Variants in RNF150 observed in about 807,000 individuals in gnomAD.
RNF150 encodes the protein ring finger protein 150.
RNF150 carries 24 observed loss-of-function variants against 39.3 expected under a neutral mutation model. The observed-to-expected ratio is 0.61, with a 90% CI of 0.44 to 0.86. RNF150 has a LOEUF of 0.86. RNF150 is among the 40% of genes least tolerant of loss of function. The pLI, the probability that RNF150 is intolerant of heterozygous loss-of-function variation, is 0.00. For synonymous variants in RNF150, 255 were observed against 227.3 expected (o/e 1.12, Z -1.10); for missense variants, 502 against 587.8 (o/e 0.85, Z 1.51).
intron 1 of RNF150, among the ~76,000 whole-genome samples, chr4:141,096,532 C>A (rs1738791805): frequency 6.6e-6 from 1 of 151,968 alleles, no homozygotes; most frequent in South Asian, 2.1e-4. Context: ...TTAATTATAC[C>A]CATTTTAGGA....
At chr4:141,071,325 A>G (rs572062997) in intron 1 of RNF150, among the ~76,000 whole-genome samples, 5 of 151,852 alleles carry the variant, frequency 3.3e-5, no homozygotes, top group Admixed American at 2.6e-4. Context: ...TGGCACATGT[A>G]TACATATGTA....
chr4:140,930,625 C>T (rs17423804), intron 4 of RNF150, among the ~76,000 whole-genome samples: 11,898 of 152,230 alleles, frequency 0.078, 532 homozygotes, highest in Middle Eastern at 0.11. Context: ...CTGTCACATT[C>T]GGGACTTTTC....
At position 140,861,666 on chromosome 4, in the gene RNF150, T is replaced by A. The variant is rs1260581801; in HGVS notation, c.*6595A>T. The stretch of plus-strand genomic sequence containing the variant: ...TCTTCAACTGCTCTACTATACCCAT[T>A]AGTACAGGCAACAGTTTTGTATCTT... On this transcript the variant is annotated 3_prime_UTR_variant, in exon 7 of 7. Coordinates refer to ENST00000515673, the MANE Select transcript of RNF150 (RefSeq NM_020724.2). 1 of 152,220 alleles carries A rather than the reference T, an allele frequency of 6.6e-6. No homozygotes were observed. The highest frequency in any genetic ancestry group is 2.4e-5 in the African/African-American group (1 of 41,448). The allele number at this position is 152,220 out of a possible 1,614,324, so 9.4% of individuals were successfully genotyped here.
At chr4:141,187,169 G>A (rs1426878693) in intron 1 of RNF150, among the ~76,000 whole-genome samples, 2 of 152,224 alleles carry the variant, frequency 1.3e-5, no homozygotes, top group South Asian at 2.1e-4. Context: ...GTGGTTTTGA[G>A]TGAGTGTCTT....
At chr4:141,190,971 T>C (rs1309404495) in intron 1 of RNF150, among the ~76,000 whole-genome samples, 1 of 152,228 alleles carries the variant, frequency 6.6e-6, no homozygotes, top group African/African-American at 2.4e-5. Context: ...TTCAGCCAAT[T>C]TGAAGTCCAG....
At chr4:141,038,508 T>C (rs992512479) in intron 1 of RNF150, among the ~76,000 whole-genome samples, 9 of 151,936 alleles carry the variant, frequency 5.9e-5, no homozygotes, top group African/African-American at 1.2e-4. Flanking sequence ...TGGGGCAACA[T>C]AGTGAGACTC....
intron 6 of RNF150, among the ~76,000 whole-genome samples, chr4:140,907,101 G>C (rs1163520908): frequency 6.6e-6 from 1 of 151,900 alleles, no homozygotes; most frequent in Admixed American, 6.6e-5. Flanking sequence ...GTTTTCCTTT[G>C]GTTCTAAGGA....
intron 6 of RNF150, among the ~76,000 whole-genome samples, chr4:140,883,652 A>G (rs1352293614): frequency 1.3e-5 from 2 of 152,142 alleles, no homozygotes; most frequent in Admixed American, 6.5e-5. Flanking sequence ...GCTGATAATC[A>G]TATGTAAGCT....
intron 1 of RNF150, among the ~76,000 whole-genome samples, chr4:140,977,886 A>T (rs1733721318): frequency 6.6e-6 from 1 of 152,102 alleles, no homozygotes; most frequent in Non-Finnish European, 1.5e-5. Context: ...TATGGCTCCA[A>T]AGTGTGTTCT....
At chr4:141,121,252 G>C (rs1319487613) in intron 1 of RNF150, among the ~76,000 whole-genome samples, 1 of 152,186 alleles carries the variant, frequency 6.6e-6, no homozygotes, top group Non-Finnish European at 1.5e-5. Context: ...TCCTAGAACA[G>C]TGGAAGCTCA....
Position 141,132,812 on chromosome 4 carries a change from T to C in RNF150, c.-4A>G, listed in dbSNP as rs759114762. 1.2e-6 allele frequency: 2 copies of C among 1,603,658 alleles called. No homozygotes were observed. The highest frequency in any genetic ancestry group is 1.1e-5 in the South Asian group (1 of 90,790). ...CTTGGATGAGAGACATTGCCATCTT[T>C]ATCCGCCGGGGCCCCCTCCCCGCCC... On this transcript the variant is annotated 5_prime_UTR_variant, in exon 1 of 7. In the 5' UTR this introduces an upstream ATG that the reference lacks. Transcript: ENST00000515673. The surrounding 1 kb of genome is among the most constrained non-coding windows in gnomAD (Gnocchi z 4.9).
chr4:140,872,999 G>A (rs1025730297), intron 6 of RNF150, among the ~76,000 whole-genome samples: 2 of 152,192 alleles, frequency 1.3e-5, no homozygotes, highest in Admixed American at 6.5e-5. Context: ...ATTGTAGCAT[G>A]AGAAGATAAG....
At chr4:140,868,447 C>T in intron 6 of RNF150, 68 bp from the exon 7 acceptor site, 1 of 862,638 alleles carries the variant, frequency 1.2e-6, no homozygotes, top group Admixed American at 1.9e-5. Flanking sequence ...TATTTCAGTA[C>T]AATTGCTTGT....
chr4:141,133,496 A>G (rs1041390034), upstream of RNF150: 5 of 149,978 alleles, frequency 3.3e-5, no homozygotes, highest in East Asian at 4.3e-4. Context: ...GTGTGTGTGT[A>G]TAATGTGTGC....
chr4:140,895,644 C>T (rs1729915341), intron 6 of RNF150, among the ~76,000 whole-genome samples: 1 of 152,186 alleles, frequency 6.6e-6, no homozygotes, highest in South Asian at 2.1e-4. Flanking sequence ...ACTCTTAGTT[C>T]TGTGTTGCAG....
chr4:141,097,744 T>C (rs559238464), intron 1 of RNF150, among the ~76,000 whole-genome samples: 34 of 152,338 alleles, frequency 2.2e-4, no homozygotes, highest in Admixed American at 2.0e-3. Flanking sequence ...TTTTGTAAAC[T>C]GCTTGTTTTT....
intron 1 of RNF150, among the ~76,000 whole-genome samples, chr4:141,031,020 A>G (rs1179032109): frequency 1.3e-5 from 2 of 152,054 alleles, no homozygotes; most frequent in Non-Finnish European, 2.9e-5. Context: ...CTATTGGCAA[A>G]CAATCCTACT....
chr4:141,064,630 A>G (rs1737381691), intron 1 of RNF150, among the ~76,000 whole-genome samples: 1 of 151,630 alleles, frequency 6.6e-6, no homozygotes. Flanking sequence ...ACAAAAAATT[A>G]AAAAATATAA....
At position 141,061,927 on chromosome 4, in the gene RNF150, C is replaced by T. The variant is rs895817924; in HGVS notation, c.484+70398G>A. On this transcript the variant is annotated intron_variant, in intron 1 of 6. Coordinates refer to ENST00000515673, the MANE Select transcript of RNF150 (RefSeq NM_020724.2). ...TTGAAGGAATCGCCTCCCAAAAGTA[C>T]ATCGATTTTAAAATCCATTAAAATA... 2.0e-5 allele frequency among the ~76,000 whole-genome samples: 3 copies of T among 151,486 alleles called. No homozygotes were observed. In the South Asian group the frequency reaches 6.4e-4, roughly 32 times the overall value.
Sources: allele counts gnomAD v4.1 joint callset (sites outside exome capture counted in the v4.1 genomes callset), GRCh38; gene constraint gnomAD v4.1.1; non-coding constraint Gnocchi (gnomAD v3.1); transcripts MANE v1.5; gene names NCBI Gene and HGNC (gene_info 2026-07-23, HGNC 2026-07-21).